The following SLC36A1 variants were observed in gnomAD, a reference collection of about 807,000 sequenced individuals.
SLC36A1 encodes solute carrier family 36 member 1.
In SLC36A1, 30 loss-of-function variants were observed where a neutral mutation model predicts 47.5. The observed-to-expected ratio is 0.63, with a 90% CI of 0.47 to 0.86. The LOEUF is 0.86. Ranked by LOEUF, SLC36A1 falls within the 40% of genes least tolerant of loss-of-function variation. The pLI is 0.00. For missense variants in SLC36A1, 517 were observed against 606.0 expected, an observed-to-expected ratio of 0.85 and a Z score of 1.54; for synonymous variants, 255 against 249.7, an observed-to-expected ratio of 1.02 and a Z score of -0.20.
chr5:151,467,351 G>C, intron 6 of SLC36A1, 68 bp downstream of exon 6: 1 of 1,128,642 alleles, frequency 8.9e-7, no homozygotes, highest in Non-Finnish European at 1.3e-6. Context: ...GATGATTGAA[G>C]TTTTTGTTTA....
the SLC36A1 span, chr5:151,509,969 G>A: frequency 6.3e-7 from 1 of 1,598,768 alleles, no homozygotes. Flanking sequence ...TCAGAGTACA[G>A]AGCGCATTCC....
intron 10 of SLC36A1, among the ~76,000 whole-genome samples, chr5:151,483,731 C>T (rs758159878): frequency 2.6e-5 from 4 of 152,182 alleles, no homozygotes; most frequent in Admixed American, 6.5e-5. Flanking sequence ...AACAGATACC[C>T]GTGCTGTTGA....
At chr5:151,419,283 G>GA in the SLC36A1 span, among the ~76,000 whole-genome samples, 150 of 152,272 alleles carry the variant, frequency 9.9e-4, no homozygotes, top group East Asian at 0.025. Flanking sequence ...ACCCTATCAT[G>GA]ATTTGCTGTG....
At chr5:151,372,390 G>A in the SLC36A1 span, among the ~76,000 whole-genome samples, 1 of 151,920 alleles carries the variant, frequency 6.6e-6, no homozygotes, top group African/African-American at 2.4e-5. Context: ...ACAAAATAGT[G>A]AAATGGAAAT....
the SLC36A1 span, among the ~76,000 whole-genome samples, chr5:151,536,806 A>G: frequency 6.6e-6 from 1 of 152,146 alleles, no homozygotes; most frequent in Non-Finnish European, 1.5e-5. Flanking sequence ...CTTGGCCATG[A>G]CACTCACCTG....
chr5:151,535,095 C>T, the SLC36A1 span, among the ~76,000 whole-genome samples: 19 of 150,780 alleles, frequency 1.3e-4, no homozygotes, highest in East Asian at 3.7e-3. Context: ...TGAAATCATC[C>T]TATATGTCTT....
the SLC36A1 span, among the ~76,000 whole-genome samples, chr5:151,398,945 G>T: frequency 6.6e-6 from 1 of 151,660 alleles, no homozygotes; most frequent in Non-Finnish European, 1.5e-5. Context: ...ATAGTACGAA[G>T]AATTTCCATA....
the SLC36A1 span, among the ~76,000 whole-genome samples, chr5:151,350,590 A>G: frequency 1.3e-5 from 2 of 152,234 alleles, no homozygotes; most frequent in Admixed American, 1.3e-4. Flanking sequence ...ATAGATGGGC[A>G]AATTCTCATT....
the SLC36A1 span, chr5:151,544,542 G>T: frequency 3.1e-6 from 5 of 1,613,940 alleles, no homozygotes; most frequent in African/African-American, 6.7e-5. Flanking sequence ...CTGGACTCCG[G>T]GCCTGGGTGT....
chr5:151,507,307 C>T, the SLC36A1 span: 65 of 1,614,060 alleles, frequency 4.0e-5, no homozygotes, highest in Non-Finnish European at 5.3e-5. Flanking sequence ...GGAACAGAGG[C>T]CTTGCTGGGT....
chr5:151,428,531 TG>T, the SLC36A1 span, among the ~76,000 whole-genome samples: 1 of 152,184 alleles, frequency 6.6e-6, no homozygotes, highest in Admixed American at 6.5e-5. Context: ...TTGGCACCGT[TG>T]CCAACTATGG....
At chr5:151,385,009 A>AGAGAGAGTGCGTGT in the SLC36A1 span, among the ~76,000 whole-genome samples, 1 of 128,466 alleles carries the variant, frequency 7.8e-6, no homozygotes, top group African/African-American at 3.6e-5. Flanking sequence ...AGAGAGAGAG[A>AGAGAGAGTGCGTGT]GTGTGTGTGT....
intron 1 of SLC36A1, among the ~76,000 whole-genome samples, chr5:151,441,057 A>G (rs1348789565): frequency 6.6e-6 from 1 of 152,170 alleles, no homozygotes; most frequent in Non-Finnish European, 1.5e-5. Flanking sequence ...GTAGAGTAGG[A>G]CCCAGAATTT....
chr5:151,548,521 C>A, the SLC36A1 span, among the ~76,000 whole-genome samples: 6 of 152,190 alleles, frequency 3.9e-5, no homozygotes, highest in East Asian at 1.2e-3. Context: ...TGCTGTGTCG[C>A]CCAGGCTGGA....
At chr5:151,438,094 T>A (rs1759878411) in intron 1 of SLC36A1, among the ~76,000 whole-genome samples, 1 of 152,146 alleles carries the variant, frequency 6.6e-6, no homozygotes, top group Non-Finnish European at 1.5e-5. Flanking sequence ...CTTCATCACA[T>A]CAGCAAAGTC....
intron 4 of SLC36A1, 56 bp downstream of exon 4, chr5:151,464,658 A>T: frequency 6.8e-7 from 1 of 1,479,862 alleles, no homozygotes; most frequent in Non-Finnish European, 9.4e-7. Context: ...GGGTTCTGTT[A>T]TCAACCCTGA....
chr5:151,376,416 T>C, the SLC36A1 span, among the ~76,000 whole-genome samples: 1 of 152,150 alleles, frequency 6.6e-6, no homozygotes, highest in African/African-American at 2.4e-5. Context: ...TTCAATTTCA[T>C]TTAGTTCTGC....
At chr5:151,410,787 G>A in the SLC36A1 span, among the ~76,000 whole-genome samples, 1 of 144,544 alleles carries the variant, frequency 6.9e-6, no homozygotes, top group Non-Finnish European at 1.5e-5. Context: ...TGCATGAGAT[G>A]CAACTGTATC....
At chr5:151,473,858 T>C in intron 8 of SLC36A1, 87 bp downstream of exon 8, 2 of 1,058,404 alleles carry the variant, frequency 1.9e-6, no homozygotes, top group East Asian at 2.4e-5. Flanking sequence ...GAGGAAACAT[T>C]GTTAGAAAGT....
Sources: gnomAD v4.1 joint callset for allele counts (sites outside exome capture counted in the v4.1 genomes callset) on GRCh38, gnomAD v4.1.1 for gene constraint, MANE v1.5 for transcripts, NCBI Gene and HGNC (gene_info 2026-07-23, HGNC 2026-07-21) for gene names.